Variants in ADGRL2 observed in about 807,000 individuals in gnomAD.
ADGRL2 encodes calcium-independent alpha-latrotoxin receptor 2.
In ADGRL2, 44 loss-of-function variants were observed where a neutral mutation model predicts 157.4. The observed-to-expected ratio is 0.28, with a 90% confidence interval of 0.22 to 0.36. ADGRL2 has a LOEUF of 0.36. Among genes scored for constraint, ADGRL2 ranks in the 10% least tolerant of loss-of-function variants. The pLI is 1.00. For synonymous variants in ADGRL2, 585 were observed against 624.7 expected (o/e 0.94, Z 0.95); for missense variants, 1,510 against 1,768.9 (o/e 0.85, Z 2.63).
At chr1:81,814,703 C>A (rs778744341) in intron 1 of ADGRL2, among the ~76,000 whole-genome samples, 3 of 151,342 alleles carry the variant, frequency 2.0e-5, no homozygotes, top group Non-Finnish European at 3.0e-5. Context: ...AAAGCCATTT[C>A]TTTTGCCTAT....
intron 2 of ADGRL2, among the ~76,000 whole-genome samples, chr1:81,529,219 G>A (rs2079544101): frequency 6.6e-6 from 1 of 152,216 alleles, no homozygotes; most frequent in Non-Finnish European, 1.5e-5. Flanking sequence ...AAGGGGAGGT[G>A]CATGCAGCAA....
chr1:81,821,072 A>G (rs904517301), intron 1 of ADGRL2, among the ~76,000 whole-genome samples: 18 of 152,300 alleles, frequency 1.2e-4, no homozygotes, highest in African/African-American at 4.1e-4. Flanking sequence ...GCATAAGGTA[A>G]TCAGCATGAA....
At chr1:81,339,544 T>A (rs1661908894) in intron 1 of ADGRL2, among the ~76,000 whole-genome samples, 1 of 152,214 alleles carries the variant, frequency 6.6e-6, no homozygotes, top group South Asian at 2.1e-4. Context: ...CTTCTGTTAA[T>A]CTTTCTTATT....
intron 2 of ADGRL2, among the ~76,000 whole-genome samples, chr1:81,472,849 T>C (rs2078199471): frequency 6.6e-6 from 1 of 152,132 alleles, no homozygotes; most frequent in Non-Finnish European, 1.5e-5. Context: ...ACATACATAC[T>C]GCAAGTTGGT....
chr1:81,960,994 G>T (rs544147350), intron 11 of ADGRL2, among the ~76,000 whole-genome samples: 1 of 152,260 alleles, frequency 6.6e-6, no homozygotes, highest in South Asian at 2.1e-4. Context: ...GCTGATGCCA[G>T]CTCCTTCCCA....
At chr1:81,562,824 T>C (rs1051210635) in intron 2 of ADGRL2, among the ~76,000 whole-genome samples, 2 of 152,088 alleles carry the variant, frequency 1.3e-5, no homozygotes, top group African/African-American at 4.8e-5. Context: ...ATCCAAGGGA[T>C]TAATATATAA....
At chr1:81,950,099 TGTGTGTGCATGCACACATTCC>T in intron 6 of ADGRL2, 69 bp from the exon 7 acceptor site, 3 of 970,932 alleles carry the variant, frequency 3.1e-6, no homozygotes, top group Non-Finnish European at 3.2e-6. Flanking sequence ...GTTTTGTGTG[TGTGTGTGCATGCACACATTCC>T]ATGTGTGCAT....
chr1:81,424,724 T>C (rs951344841), intron 1 of ADGRL2, among the ~76,000 whole-genome samples: 1 of 152,210 alleles, frequency 6.6e-6, no homozygotes, highest in Non-Finnish European at 1.5e-5. Flanking sequence ...TCTCCTGACT[T>C]TTTTTAAACC....
intron 2 of ADGRL2, among the ~76,000 whole-genome samples, chr1:81,856,551 G>A (rs1018987556): frequency 1.2e-4 from 18 of 152,100 alleles, no homozygotes; most frequent in African/African-American, 4.3e-4. Flanking sequence ...CCTATCAGCA[G>A]ATCATTTGAG....
intron 2 of ADGRL2, chr1:81,514,830 C>T (rs144024518): frequency 7.2e-5 from 11 of 152,276 alleles, no homozygotes; most frequent in African/African-American, 2.4e-4. Flanking sequence ...AAGCTTTTGT[C>T]TTACCATCTC....
chr1:81,704,059 TA>T (rs1343141518), intron 1 of ADGRL2, among the ~76,000 whole-genome samples: 4 of 152,208 alleles, frequency 2.6e-5, no homozygotes, highest in Non-Finnish European at 5.9e-5. Flanking sequence ...TGTATTTATT[TA>T]ACTACATGAC....
At chr1:81,698,383 G>A (rs1362281116), upstream of ADGRL2, among the ~76,000 whole-genome samples, 1 of 152,102 alleles carries the variant, frequency 6.6e-6, no homozygotes, top group African/African-American at 2.4e-5. Context: ...AGAGTTTGTA[G>A]GTTAGTTGAT....
intron 2 of ADGRL2, chr1:81,505,926 G>T: frequency 3.3e-6 from 1 of 300,938 alleles, no homozygotes; most frequent in Non-Finnish European, 6.5e-6. Flanking sequence ...CTGTGCAAAA[G>T]ATGGGCCCAA....
At chr1:81,400,263 C>T (rs1228196622) in intron 1 of ADGRL2, among the ~76,000 whole-genome samples, 1 of 151,966 alleles carries the variant, frequency 6.6e-6, no homozygotes, top group Non-Finnish European at 1.5e-5. Context: ...GTTCCAGGTG[C>T]AGGCACTAGG....
intron 20 of ADGRL2, 142 bp downstream of exon 20, chr1:81,984,853 A>G: frequency 1.1e-6 from 1 of 909,928 alleles, no homozygotes; most frequent in Non-Finnish European, 1.6e-6. Context: ...TTTTGGTTTC[A>G]ATGTCTTCTT....
At chr1:81,604,305 C>G (rs1164387967) in intron 3 of ADGRL2, among the ~76,000 whole-genome samples, 1 of 152,138 alleles carries the variant, frequency 6.6e-6, no homozygotes, top group Non-Finnish European at 1.5e-5. Context: ...AGATGAGCTA[C>G]TTTGGTTGAA....
chr1:81,662,686 G>C (rs912351475), intron 3 of ADGRL2, among the ~76,000 whole-genome samples: 6 of 151,320 alleles, frequency 4.0e-5, no homozygotes, highest in African/African-American at 1.5e-4. Flanking sequence ...TCCTGAGTAG[G>C]TGGGATTACA....
At chr1:81,647,313 G>A (rs2082332695) in intron 3 of ADGRL2, among the ~76,000 whole-genome samples, 1 of 152,062 alleles carries the variant, frequency 6.6e-6, no homozygotes, top group Non-Finnish European at 1.5e-5. Flanking sequence ...ATTTAAAGAA[G>A]CAGGTTATCT....
At chr1:81,364,785 C>T (rs2076037591) in intron 1 of ADGRL2, among the ~76,000 whole-genome samples, 1 of 151,576 alleles carries the variant, frequency 6.6e-6, no homozygotes, top group Non-Finnish European at 1.5e-5. Flanking sequence ...CTGCAACCTA[C>T]ACCTCCCAGG....
Sources: allele counts gnomAD v4.1 joint callset (sites outside exome capture counted in the v4.1 genomes callset), GRCh38; gene constraint gnomAD v4.1.1; transcripts MANE v1.5; gene names NCBI Gene and HGNC (gene_info 2026-07-23, HGNC 2026-07-21).